EPHB1: variants seen among roughly 807,000 people sequenced by gnomAD.
EPHB1 encodes the protein ephrin type-B receptor 1.
EPHB1 carries 30 observed loss-of-function variants against 94.4 expected under a neutral mutation model. The ratio of observed to expected loss-of-function variants is 0.32; its 90% CI spans 0.24 to 0.43. The LOEUF (loss-of-function observed/expected upper bound fraction) is 0.43, where lower values mean the gene tolerates loss of function less well. Ranked by LOEUF, EPHB1 falls within the 20% of genes least tolerant of loss-of-function variation. The pLI, the probability that EPHB1 is intolerant of heterozygous loss-of-function variation, is 1.00. For synonymous variants in EPHB1, 522 were observed against 489.1 expected (o/e 1.07, Z -0.89); for missense variants, 1,055 against 1,308.3 (o/e 0.81, Z 2.99).
chr3:134,795,759 T>C, intron 1 of EPHB1, 70 bp downstream of exon 1: 1 of 1,521,978 alleles, frequency 6.6e-7, no homozygotes, highest in East Asian at 2.3e-5. Flanking sequence ...GCTCCGCGGT[T>C]CGCGGGGTTC....
chr3:134,948,401 A>G (rs144838447), intron 2 of EPHB1, among the ~76,000 whole-genome samples: 1 of 152,202 alleles, frequency 6.6e-6, no homozygotes. Context: ...TATAACAGCC[A>G]TGGAAAGGGA....
intron 3 of EPHB1, among the ~76,000 whole-genome samples, chr3:135,065,278 CCTGTCTAGTG>C (rs1937566695): frequency 6.6e-6 from 1 of 152,094 alleles, no homozygotes; most frequent in Non-Finnish European, 1.5e-5. Flanking sequence ...GTCTTGATGA[CCTGTCTAGTG>C]CTGTCAGTGG....
At chr3:134,853,494 T>G (rs1027465273) in intron 1 of EPHB1, among the ~76,000 whole-genome samples, 1 of 152,242 alleles carries the variant, frequency 6.6e-6, no homozygotes, top group African/African-American at 2.4e-5. Context: ...GCATCCAGGT[T>G]TCTGACTTTT....
At chr3:134,848,999 G>A (rs957258217) in intron 1 of EPHB1, among the ~76,000 whole-genome samples, 1 of 152,222 alleles carries the variant, frequency 6.6e-6, no homozygotes, top group Non-Finnish European at 1.5e-5. Context: ...GCCTTGTCCT[G>A]TGAAGATCAC....
chr3:135,142,867 C>A (rs975619845), intron 5 of EPHB1, among the ~76,000 whole-genome samples: 1 of 152,162 alleles, frequency 6.6e-6, no homozygotes, highest in African/African-American at 2.4e-5. Context: ...TGGGAGGGAG[C>A]ATATGGTGGT....
At chr3:134,855,503 A>G (rs1257401908) in intron 1 of EPHB1, among the ~76,000 whole-genome samples, 2 of 152,182 alleles carry the variant, frequency 1.3e-5, no homozygotes, top group East Asian at 3.9e-4. Context: ...ACATGGTGAT[A>G]AAGATGTAGC....
chr3:135,022,819 C>T (rs1936029439), intron 3 of EPHB1, among the ~76,000 whole-genome samples: 2 of 152,202 alleles, frequency 1.3e-5, no homozygotes, highest in Admixed American at 1.3e-4. Flanking sequence ...CCAGCTTCCT[C>T]ATTCTCAAAT....
intron 4 of EPHB1, among the ~76,000 whole-genome samples, chr3:135,122,824 C>T (rs565434864): frequency 4.1e-4 from 63 of 152,326 alleles, no homozygotes; most frequent in Middle Eastern, 6.8e-3. Flanking sequence ...CCTGAAATCC[C>T]TCTCAGCAGG....
At chr3:134,889,625 C>T (rs772661083) in intron 1 of EPHB1, among the ~76,000 whole-genome samples, 2 of 151,560 alleles carry the variant, frequency 1.3e-5, no homozygotes, top group Non-Finnish European at 2.9e-5. Flanking sequence ...GACTATTTGC[C>T]TCTTACAGCT....
chr3:134,815,166 A>G (rs542792256), intron 1 of EPHB1, among the ~76,000 whole-genome samples: 1 of 152,396 alleles, frequency 6.6e-6, no homozygotes, highest in South Asian at 2.1e-4. Context: ...ATTGGAATAT[A>G]GCCTTCCAAA....
intron 1 of EPHB1, among the ~76,000 whole-genome samples, chr3:134,836,585 CTT>C (rs2036677292): frequency 6.6e-6 from 1 of 152,092 alleles, no homozygotes; most frequent in South Asian, 2.1e-4. Flanking sequence ...ATAATAGACA[CTT>C]AAATTATTGT....
chr3:134,795,429 C>T lies in EPHB1; in HGVS notation c.-203C>T. 1 of 571,494 alleles carries T rather than the reference C, an allele frequency of 1.7e-6. No individual in the cohort carries two copies. The highest frequency in any genetic ancestry group is 3.0e-6 in the Non-Finnish European group (1 of 329,278). The allele number at this position is 571,494 out of a possible 1,614,324, so 35.4% of individuals were successfully genotyped here. ...TAAACACACACACACACATGCACACCCACACCCACGCGCGCCCGCACCGCC... is the reference window on the plus strand; with the variant it reads ...TAAACACACACACACACATGCACACTCACACCCACGCGCGCCCGCACCGCC... On this transcript the variant is annotated 5_prime_UTR_variant, in exon 1 of 16. Coordinates refer to ENST00000398015, the MANE Select transcript of EPHB1 (RefSeq NM_004441.5).
At chr3:134,803,232 C>G (rs2035967993) in intron 1 of EPHB1, among the ~76,000 whole-genome samples, 1 of 152,218 alleles carries the variant, frequency 6.6e-6, no homozygotes, top group Admixed American at 6.5e-5. Context: ...CCTCCCACTT[C>G]CTGGCAGCAA....
At chr3:135,106,109 G>A (rs1939209433) in intron 3 of EPHB1, among the ~76,000 whole-genome samples, 1 of 152,166 alleles carries the variant, frequency 6.6e-6, no homozygotes, top group South Asian at 2.1e-4. Flanking sequence ...AGACAGAAGA[G>A]GGAGTAACCA....
chr3:135,245,348 G>T (rs75765034), intron 13 of EPHB1, among the ~76,000 whole-genome samples: 1,885 of 152,170 alleles, frequency 0.012, 43 homozygotes, highest in African/African-American at 0.043. Context: ...AGCCTTCCAA[G>T]GTCTATGCAC....
chr3:135,249,459 C>A lies in EPHB1; in HGVS notation c.2814C>A (p.Thr938=). ...YRDSFLTAGF[T]SLQLVTQMTS... ...ACAGCTTCCTCACTGCTGGCTTCACCTCCCTCCAGCTGGTCACCCAGATGA... is the reference window on the plus strand; with the variant it reads ...ACAGCTTCCTCACTGCTGGCTTCACATCCCTCCAGCTGGTCACCCAGATGA... Residue 938 remains threonine, a synonymous_variant, in exon 15 of 16, where the codon ACC becomes ACA. Coordinates refer to ENST00000398015, the MANE Select transcript of EPHB1 (RefSeq NM_004441.5). The A allele has an allele frequency of 6.2e-7, 1 of 1,613,980 alleles. No individual in the cohort carries two copies. The highest frequency in any genetic ancestry group is 8.5e-7 in the Non-Finnish European group (1 of 1,179,852).
At chr3:135,035,184 G>T (rs115536302) in intron 3 of EPHB1, among the ~76,000 whole-genome samples, 3,030 of 152,264 alleles carry the variant, frequency 0.02, 96 homozygotes, top group African/African-American at 0.069. Flanking sequence ...AGTGGGGATG[G>T]GTTGTGCCAA....
chr3:134,839,555 A>G (rs1257293031), intron 1 of EPHB1, among the ~76,000 whole-genome samples: 2 of 152,016 alleles, frequency 1.3e-5, no homozygotes, highest in Non-Finnish European at 2.9e-5. Context: ...GGTCACCGAG[A>G]AGGCCCTGCT....
intron 3 of EPHB1, among the ~76,000 whole-genome samples, chr3:135,042,428 G>T (rs971044897): frequency 6.6e-6 from 1 of 152,156 alleles, no homozygotes; most frequent in Admixed American, 6.5e-5. Flanking sequence ...ACAAAGAACA[G>T]TATTTTAGTG....
Sources: allele counts gnomAD v4.1 joint callset (sites outside exome capture counted in the v4.1 genomes callset), GRCh38; gene constraint gnomAD v4.1.1; transcripts MANE v1.5; gene names NCBI Gene and HGNC (gene_info 2026-07-23, HGNC 2026-07-21).